Variants in ITGB3 observed in about 807,000 individuals in gnomAD.
The protein encoded by ITGB3 is integrin beta-3.
In ITGB3, 48 loss-of-function variants were observed where a neutral mutation model predicts 85.8. That is an observed-to-expected ratio of 0.56 (90% CI 0.44 to 0.71). ITGB3 has a LOEUF of 0.71. Among genes scored for constraint, ITGB3 ranks in the 30% least tolerant of loss-of-function variants. ITGB3 has a pLI of 0.00. For synonymous variants in ITGB3, 363 were observed against 395.6 expected (o/e 0.92, Z 0.98); for missense variants, 861 against 1,019.1 (o/e 0.84, Z 2.11).
chr17:47,302,784 T>G lies in ITGB3; in HGVS notation c.2078T>G (p.Phe693Cys). Residue 693 changes from phenylalanine to cysteine, a missense_variant, in exon 13 of 15, where the codon TTC becomes TGC. Coordinates refer to ENST00000559488, the MANE Select transcript of ITGB3 (RefSeq NM_000212.3). The stretch of plus-strand genomic sequence containing the variant: ...AATGAGGATGACTGTGTCGTCAGAT[T>G]CCAGTACTATGAAGATTCTAGTGGA... ...YKNEDDCVVR[F>C]QYYEDSSGKS... 6.2e-7 allele frequency: 1 copy of G among 1,614,100 alleles called. No individual in the cohort carries two copies. Among genetic ancestry groups the G allele is most frequent in the Non-Finnish European group, 8.5e-7 (1 of 1,179,952 alleles).
At chr17:47,296,498 T>C (rs113978928) in intron 10 of ITGB3, among the ~76,000 whole-genome samples, 3,032 of 152,142 alleles carry the variant, frequency 0.02, 107 homozygotes, top group African/African-American at 0.068. Context: ...CCTCCCAGAG[T>C]GTTGAGGTTA....
rs1455766713 is a variant in ITGB3, at chr17:47,302,725, C to T, written c.2019C>T (p.Asp673=). Residue 673 remains aspartate (D), a synonymous_variant, in exon 13 of 15, where the codon GAC becomes GAT. Coordinates refer to ENST00000559488, the MANE Select transcript of ITGB3 (RefSeq NM_000212.3). ...DEIESVKELK[D]TGKDAVNCTY... Reference sequence around the variant, plus strand: ...CTCCATTTTCCCTACTCCCAGAGGACACTGGCAAGGATGCAGTGAATTGTA... The same window carrying T: ...CTCCATTTTCCCTACTCCCAGAGGATACTGGCAAGGATGCAGTGAATTGTA... 2 of 1,614,140 alleles carry T rather than the reference C, an allele frequency of 1.2e-6. No homozygotes were observed. Among genetic ancestry groups the T allele is most frequent in the East Asian group, 2.2e-5 (1 of 44,890 alleles).
intron 12 of ITGB3, 77 bp from the exon 13 acceptor site, chr17:47,302,644 C>T: frequency 6.4e-7 from 1 of 1,558,080 alleles, no homozygotes; most frequent in East Asian, 2.2e-5. Flanking sequence ...CCTGGAAGTC[C>T]TGTGATAGGG....
intron 1 of ITGB3, among the ~76,000 whole-genome samples, chr17:47,270,313 C>T (rs1813295779): frequency 6.6e-6 from 1 of 152,158 alleles, no homozygotes; most frequent in Non-Finnish European, 1.5e-5. Flanking sequence ...TCCAGAATTA[C>T]CCCTTGGCAT....
At position 47,312,274 on chromosome 17, in the gene ITGB3, T is replaced by A. The variant is rs921637366; in HGVS notation, c.*2070T>A. Among the ~76,000 whole-genome samples the A allele has an allele frequency of 2.0e-5, 3 of 152,248 alleles. No individual in the cohort carries two copies. In the East Asian group the frequency reaches 5.8e-4, roughly 29 times the overall value. On this transcript the variant is annotated 3_prime_UTR_variant, in exon 15 of 15. Transcript: ENST00000559488. ...GAGGAATCCATAAGTAGCTGAAATA[T>A]CTATTCTGTATTATTGTGTTAACAT...
chr17:47,262,378 C>T (rs987381787), intron 1 of ITGB3, among the ~76,000 whole-genome samples: 6 of 152,054 alleles, frequency 3.9e-5, no homozygotes, highest in African/African-American at 1.2e-4. Context: ...GAGGTGGGGT[C>T]GATGCTAATA....
intron 1 of ITGB3, among the ~76,000 whole-genome samples, chr17:47,267,775 A>G (rs191365475): frequency 1.3e-5 from 2 of 152,338 alleles, no homozygotes; most frequent in African/African-American, 4.8e-5. Context: ...CTACAAGTCA[A>G]GGACTCATAG....
intron 13 of ITGB3, among the ~76,000 whole-genome samples, chr17:47,306,061 G>C (rs1166673470): frequency 6.6e-6 from 1 of 152,172 alleles, no homozygotes; most frequent in Non-Finnish European, 1.5e-5. Flanking sequence ...TAAGTGATAA[G>C]TCAGGATTCA....
rs200857868 is a variant in ITGB3, at chr17:47,292,177, C to T, written c.1299C>T (p.Pro433=). 4.7e-4 allele frequency: 757 copies of T among 1,614,182 alleles called. 4 individuals carry two copies. Among genetic ancestry groups the T allele is most frequent in the Middle Eastern group, 3.0e-3 (18 of 6,062 alleles). ...FSIEAKVRGC[P]QEKEKSFTIK... is the part of the protein sequence containing the mutation. The stretch of plus-strand genomic sequence containing the variant: ...TTGAGGCCAAGGTGCGAGGCTGTCC[C>T]CAGGAGAAGGAGAAGTCCTTTACCA... Residue 433 remains proline, a synonymous_variant, in exon 10 of 15, where the codon CCC becomes CCT. Coordinates refer to ENST00000559488, the MANE Select transcript of ITGB3 (RefSeq NM_000212.3).
intron 11 of ITGB3, 144 bp from the exon 12 acceptor site, chr17:47,300,334 G>GGT (rs1445705123): frequency 1.4e-4 from 71 of 502,012 alleles, no homozygotes; most frequent in Non-Finnish European, 2.3e-4. Flanking sequence ...TTGTCTTACA[G>GGT]GCGCGCGCGC....
chr17:47,255,081 C>A (rs1367291188), intron 1 of ITGB3, among the ~76,000 whole-genome samples: 3 of 151,834 alleles, frequency 2.0e-5, no homozygotes, highest in African/African-American at 7.3e-5. Flanking sequence ...TGGGTTTAAG[C>A]GATTCTTCTG....
At chr17:47,258,567 A>G (rs1178651964) in intron 1 of ITGB3, among the ~76,000 whole-genome samples, 1 of 151,992 alleles carries the variant, frequency 6.6e-6, no homozygotes, top group Non-Finnish European at 1.5e-5. Context: ...AAGATACAGA[A>G]TTTTTCCATC....
At chr17:47,297,278 G>A (rs1463267769) in intron 10 of ITGB3, among the ~76,000 whole-genome samples, 2 of 152,148 alleles carry the variant, frequency 1.3e-5, no homozygotes, top group Non-Finnish European at 2.9e-5. Context: ...CATTTACAAG[G>A]CATATGGCCT....
intron 2 of ITGB3, among the ~76,000 whole-genome samples, chr17:47,281,479 G>A (rs754552808): frequency 2.6e-5 from 4 of 152,160 alleles, no homozygotes; most frequent in Admixed American, 6.5e-5. Flanking sequence ...ACAAAATGAC[G>A]TATCTGAGGT....
chr17:47,272,369 GA>G (rs1282996516), intron 1 of ITGB3, among the ~76,000 whole-genome samples: 1 of 151,340 alleles, frequency 6.6e-6, no homozygotes, highest in Non-Finnish European at 1.5e-5. Flanking sequence ...TTTTTTAAAA[GA>G]ATAATATACA....
rs2065217261 is a variant in ITGB3, at chr17:47,312,070, G to A, written c.*1866G>A. Among the ~76,000 whole-genome samples the A allele has an allele frequency of 6.6e-6, 1 of 152,166 alleles. No homozygotes were observed. The highest frequency in any genetic ancestry group is 1.5e-5 in the Non-Finnish European group (1 of 68,024). ...GGGAGATCTGAGAGACCTGGCTTTG[G>A]CAAGAGCAGATGTCATTCCATATCA... On this transcript the variant is annotated 3_prime_UTR_variant, in exon 15 of 15. Transcript: ENST00000559488.
At chr17:47,275,853 G>A (rs2065061720) in intron 2 of ITGB3, among the ~76,000 whole-genome samples, 1 of 152,204 alleles carries the variant, frequency 6.6e-6, no homozygotes, top group South Asian at 2.1e-4. Flanking sequence ...GGGAAGGGGT[G>A]TAAGGGGGGC....
intron 7 of ITGB3, 35 bp from the exon 8 acceptor site, chr17:47,290,150 T>C (rs1280803088): frequency 6.5e-7 from 1 of 1,535,724 alleles, no homozygotes; most frequent in South Asian, 1.1e-5. Flanking sequence ...CAGCTTCCTT[T>C]GGTAAGCTCT....
chr17:47,288,355 T>C (rs1421969837), intron 6 of ITGB3, among the ~76,000 whole-genome samples: 3 of 152,144 alleles, frequency 2.0e-5, no homozygotes, highest in African/African-American at 7.2e-5. Context: ...AGCTTATACA[T>C]GAGAAAACTT....
Sources: gnomAD v4.1 joint callset for allele counts (sites outside exome capture counted in the v4.1 genomes callset) on GRCh38, gnomAD v4.1.1 for gene constraint, MANE v1.5 for transcripts, NCBI Gene and HGNC (gene_info 2026-07-23, HGNC 2026-07-21) for gene names.